Variants in ANK3 observed in about 807,000 individuals in gnomAD.
The protein encoded by ANK3 is ankyrin-3.
Under a neutral mutation model 370.9 loss-of-function variants are expected in ANK3, and 57 were observed. The observed-to-expected ratio is 0.15, with a 90% CI of 0.12 to 0.19. The LOEUF (loss-of-function observed/expected upper bound fraction) is 0.19. Ranked by LOEUF, ANK3 falls within the 10% of genes least tolerant of loss-of-function variation. ANK3 has a pLI of 1.00. For missense variants in ANK3, 4,439 were observed against 5,302.1 expected, an observed-to-expected ratio of 0.84 and a Z score of 5.06; for synonymous variants, 1,929 against 1,946.3, an observed-to-expected ratio of 0.99 and a Z score of 0.23.
chr10:60,616,670 T>G (rs934414538), intron 1 of ANK3, among the ~76,000 whole-genome samples: 1 of 152,082 alleles, frequency 6.6e-6, no homozygotes, highest in African/African-American at 2.4e-5. Flanking sequence ...AAATCTTGAC[T>G]TTACATCTGC....
chr10:60,660,836 G>C (rs1378500326), intron 1 of ANK3, among the ~76,000 whole-genome samples: 1 of 151,994 alleles, frequency 6.6e-6, no homozygotes, highest in African/African-American at 2.4e-5. Flanking sequence ...CTCTGTAACA[G>C]TCATCTCAGG....
chr10:60,158,029 T>A (rs562859573), intron 23 of ANK3, among the ~76,000 whole-genome samples: 8 of 151,830 alleles, frequency 5.3e-5, no homozygotes, highest in African/African-American at 1.7e-4. Flanking sequence ...TATCCAGGTA[T>A]AAGAAAACCA....
intron 23 of ANK3, among the ~76,000 whole-genome samples, chr10:60,164,265 A>C (rs916873292): frequency 1.3e-5 from 2 of 152,176 alleles, no homozygotes; most frequent in African/African-American, 2.4e-5. Context: ...TACTAATATG[A>C]CTTGAATTAA....
chr10:60,257,825 A>C (rs909468008), intron 7 of ANK3, among the ~76,000 whole-genome samples: 1 of 152,188 alleles, frequency 6.6e-6, no homozygotes, highest in Admixed American at 6.5e-5. Context: ...TAAATCCCTA[A>C]TCCTTTCAGA....
At chr10:60,185,380 A>G (rs2096297695) in intron 17 of ANK3, among the ~76,000 whole-genome samples, 1 of 152,208 alleles carries the variant, frequency 6.6e-6, no homozygotes, top group Non-Finnish European at 1.5e-5. Context: ...ATGTTTTCTC[A>G]GTGTATCCTC....
intron 2 of ANK3, among the ~76,000 whole-genome samples, chr10:60,558,837 G>A (rs188158374): frequency 1.7e-4 from 26 of 152,172 alleles, no homozygotes; most frequent in Admixed American, 1.4e-3. Flanking sequence ...TATTTGTACA[G>A]CTCAAAAGAC....
chr10:60,610,764 T>C (rs923952080), intron 2 of ANK3, among the ~76,000 whole-genome samples: 5 of 152,212 alleles, frequency 3.3e-5, no homozygotes, highest in Admixed American at 2.0e-4. Context: ...ATCAGATGTC[T>C]GCAAGAAAAT....
chr10:60,340,619 C>T (rs916817727), intron 1 of ANK3, among the ~76,000 whole-genome samples: 2 of 152,032 alleles, frequency 1.3e-5, no homozygotes. Flanking sequence ...ACCATGTTGG[C>T]CATGCTGGTC....
chr10:60,574,965 A>G (rs2133272189), intron 2 of ANK3, among the ~76,000 whole-genome samples: 1 of 152,336 alleles, frequency 6.6e-6, no homozygotes, highest in Non-Finnish European at 1.5e-5. Context: ...AAAAACAAAA[A>G]GCAAACAAAA....
intron 1 of ANK3, among the ~76,000 whole-genome samples, chr10:60,705,272 G>C (rs2079598841): frequency 1.3e-5 from 2 of 152,086 alleles, no homozygotes; most frequent in Admixed American, 1.3e-4. Flanking sequence ...TATGTCCATA[G>C]AAGGGAAGAC....
At chr10:60,448,815 T>C (rs571116021) in intron 2 of ANK3, among the ~76,000 whole-genome samples, 2 of 152,218 alleles carry the variant, frequency 1.3e-5, no homozygotes, top group South Asian at 4.1e-4. Context: ...GTGGCTCCTC[T>C]CCAACTGAGC....
intron 2 of ANK3, among the ~76,000 whole-genome samples, chr10:60,502,465 G>A (rs993273196): frequency 8.5e-5 from 13 of 152,174 alleles, no homozygotes; most frequent in Non-Finnish European, 1.3e-4. Flanking sequence ...CTATATAATC[G>A]TTGCCAAAGC....
intron 7 of ANK3, among the ~76,000 whole-genome samples, chr10:60,242,950 C>T (rs1336546325): frequency 1.3e-5 from 2 of 152,178 alleles, no homozygotes; most frequent in Non-Finnish European, 2.9e-5. Flanking sequence ...ACCCCAAGTT[C>T]ATATTTTTTT....
chr10:60,053,599 G>C (rs773327845), intron 42 of ANK3: 19 of 1,149,482 alleles, frequency 1.7e-5, no homozygotes, highest in Non-Finnish European at 2.2e-5. Flanking sequence ...GGAAAACAAG[G>C]AAACCAAATG....
At chr10:60,343,585 G>T (rs2054739323) in intron 1 of ANK3, among the ~76,000 whole-genome samples, 1 of 152,134 alleles carries the variant, frequency 6.6e-6, no homozygotes, top group African/African-American at 2.4e-5. Flanking sequence ...TAAGAGTTGG[G>T]AAGGACTACC....
chr10:60,509,606 T>C (rs2076028807), intron 2 of ANK3, among the ~76,000 whole-genome samples: 1 of 152,182 alleles, frequency 6.6e-6, no homozygotes, highest in South Asian at 2.1e-4. Context: ...CATTTTGACA[T>C]GTTTTTGAAA....
chr10:60,234,639 C>A, intron 8 of ANK3, 49 bp downstream of exon 8: 1 of 1,134,280 alleles, frequency 8.8e-7, no homozygotes. Context: ...GAAAAGTATT[C>A]CTACTTCCTG....
chr10:60,120,585 C>G (rs2093408285), intron 25 of ANK3, among the ~76,000 whole-genome samples: 1 of 151,690 alleles, frequency 6.6e-6, no homozygotes, highest in African/African-American at 2.4e-5. Flanking sequence ...GGATTAATAA[C>G]CGGAATATAT....
intron 18 of ANK3, among the ~76,000 whole-genome samples, chr10:60,176,408 A>T (rs2095956878): frequency 6.6e-6 from 1 of 151,768 alleles, no homozygotes; most frequent in African/African-American, 2.4e-5. Flanking sequence ...ACCAGAAAGA[A>T]AAAGAAATTG....
Sources: gnomAD v4.1 joint callset for allele counts (sites outside exome capture counted in the v4.1 genomes callset) on GRCh38, gnomAD v4.1.1 for gene constraint, MANE v1.5 for transcripts, NCBI Gene and HGNC (gene_info 2026-07-23, HGNC 2026-07-21) for gene names.